Variants in MIER2 observed in about 807,000 individuals in gnomAD.
MIER2 encodes mesoderm induction early response protein 2.
A neutral mutation model predicts 67.6 loss-of-function variants in MIER2; 30 were observed. That is an observed-to-expected ratio of 0.44 (90% CI 0.33 to 0.60). The LOEUF (loss-of-function observed/expected upper bound fraction) is 0.60, where lower values mean the gene tolerates loss of function less well. Among genes scored for constraint, MIER2 ranks in the 20% least tolerant of loss-of-function variants. MIER2 has a pLI of 0.02. For synonymous variants in MIER2, 372 were observed against 312.6 expected (o/e 1.19, Z -2.00); for missense variants, 702 against 745.1 (o/e 0.94, Z 0.67).
intron 7 of MIER2, among the ~76,000 whole-genome samples, chr19:320,576 A>G (rs897367185): frequency 1.1e-4 from 17 of 152,238 alleles, no homozygotes; most frequent in African/African-American, 4.1e-4. Flanking sequence ...TCACTGCCTG[A>G]CTCCGCCTCC....
At chr19:312,295 C>CT in intron 8 of MIER2, 23 bp from the exon 9 acceptor site, 3 of 1,610,412 alleles carry the variant, frequency 1.9e-6, no homozygotes, top group Non-Finnish European at 2.5e-6. Context: ...CATGTTGGCT[C>CT]TTCCATGGGC....
Position 312,349 on chromosome 19 carries a change from G to A in MIER2, c.808-77C>T, listed in dbSNP as rs534118273. On this transcript the variant is annotated intron_variant, in intron 8 of 13. Transcript: ENST00000264819. ...GCAAGAACTGTCTATACCATCCAGC[G>A]AGTGGCATCAGGGGCCGTCCACACC... The A allele has an allele frequency of 4.0e-5, 58 of 1,466,024 alleles. No individual in the cohort carries two copies. In the East Asian group the frequency reaches 7.1e-4, roughly 18 times the overall value. 90.8% of individuals were successfully genotyped at this position (1,466,024 alleles called of 1,614,324 possible).
chr19:322,625 G>A (rs1190113983), intron 7 of MIER2, among the ~76,000 whole-genome samples: 2 of 152,096 alleles, frequency 1.3e-5, no homozygotes, highest in Non-Finnish European at 2.9e-5. Flanking sequence ...CAATGGGACA[G>A]GAGTCCATAT....
chr19:314,383 G>A (rs914192791), intron 7 of MIER2, among the ~76,000 whole-genome samples: 1 of 152,234 alleles, frequency 6.6e-6, no homozygotes, highest in Admixed American at 6.5e-5. Flanking sequence ...CAAGGCAGGG[G>A]AGAGCTCAGG....
chr19:308,673 G>A lies in MIER2; in HGVS notation c.1110-8C>T, dbSNP rs1408844773. 6.2e-7 allele frequency: 1 copy of A among 1,600,726 alleles called. No individual in the cohort carries two copies. ...AGGTCCTGGTCTGCGTCCCTGTGGG[G>A]AGAGGGCGCCATGAGGGGCGGCAGA... On this transcript the variant is annotated splice_polypyrimidine_tract_variant and splice_region_variant and intron_variant, in intron 11 of 13. Coordinates refer to ENST00000264819, the MANE Select transcript of MIER2 (RefSeq NM_017550.3). The surrounding 1 kb of genome is among the most constrained non-coding windows in gnomAD (Gnocchi z 9.1).
intron 5 of MIER2, 147 bp from the exon 6 acceptor site, chr19:326,745 G>T: frequency 1.5e-6 from 1 of 659,644 alleles, no homozygotes; most frequent in Non-Finnish European, 2.6e-6. Context: ...ATGGGCACAG[G>T]ACCCAGGACC....
chr19:314,923 A>G (rs1398427458), intron 7 of MIER2, among the ~76,000 whole-genome samples: 1 of 151,724 alleles, frequency 6.6e-6, no homozygotes, highest in Non-Finnish European at 1.5e-5. Context: ...AAAATTTCAA[A>G]TGTAGTACAG....
At chr19:316,933 T>C (rs1270340196) in intron 7 of MIER2, among the ~76,000 whole-genome samples, 3 of 151,842 alleles carry the variant, frequency 2.0e-5, no homozygotes, top group Non-Finnish European at 4.4e-5. Flanking sequence ...CACACCACTG[T>C]ACTCCAGCCT....
chr19:306,406 G>T lies in MIER2; in HGVS notation c.*284C>A, dbSNP rs1360064509. 2 of 579,100 alleles carry T rather than the reference G, an allele frequency of 3.5e-6. No homozygotes were observed. The highest frequency in any genetic ancestry group is 3.1e-5 in the Admixed American group (1 of 32,746). 35.9% of individuals were successfully genotyped at this position (579,100 alleles called of 1,614,324 possible). On this transcript the variant is annotated 3_prime_UTR_variant, in exon 14 of 14. Transcript: ENST00000264819. ...GCGTCCCAACGGCGGGGTCTCTTCT[G>T]TCCCCGGCTGCCCGACGGATCCCAC...
rs1403697972 is a variant in MIER2 at position 306,459 on chromosome 19, G to A, written c.*231C>T. ...GCAGGCAGCGGCCCGGACCCGGGTG[G>A]CAGTGCCGGGCGCTGACGGCGCTGG... On this transcript the variant is annotated 3_prime_UTR_variant, in exon 14 of 14. Coordinates refer to ENST00000264819, the MANE Select transcript of MIER2 (RefSeq NM_017550.3). The A allele has an allele frequency of 1.6e-6, 1 of 622,936 alleles. No individual in the cohort carries two copies. Among genetic ancestry groups the A allele is most frequent in the East Asian group, 2.8e-5 (1 of 36,060 alleles). The allele number at this position is 622,936 out of a possible 1,614,324, so 38.6% of individuals were successfully genotyped here.
chr19:310,467 A>G (rs1600111697), intron 10 of MIER2, among the ~76,000 whole-genome samples: 1 of 149,520 alleles, frequency 6.7e-6, no homozygotes, highest in Non-Finnish European at 1.5e-5. Flanking sequence ...CGGCTGGGCC[A>G]GGACCTGCCC....
intron 7 of MIER2, among the ~76,000 whole-genome samples, chr19:318,958 G>A (rs1181646016): frequency 6.6e-6 from 1 of 151,210 alleles, no homozygotes; most frequent in Non-Finnish European, 1.5e-5. Context: ...TTGGGAGGCT[G>A]AGACAGGAGA....
chr19:330,568 A>G (rs893440229), intron 3 of MIER2, among the ~76,000 whole-genome samples: 2 of 151,868 alleles, frequency 1.3e-5, no homozygotes, highest in Non-Finnish European at 2.9e-5. Flanking sequence ...AAAAAAAAAA[A>G]AAAAACTTAT....
intron 1 of MIER2, among the ~76,000 whole-genome samples, chr19:337,413 C>T (rs1240288149): frequency 6.6e-6 from 1 of 152,192 alleles, no homozygotes; most frequent in Non-Finnish European, 1.5e-5. Context: ...CAGAAGGGAG[C>T]TTCCTTCTTG....
rs370807398 is a variant in MIER2, at chr19:328,564, A to G, written c.244-575T>C. Among the ~76,000 whole-genome samples the G allele has an allele frequency of 4.6e-5, 7 of 152,248 alleles. No homozygotes were observed. In the East Asian group the frequency reaches 1.3e-3, roughly 29 times the overall value. ...GGAGTTCGAGACCAGCCTGGGCAAC[A>G]TGGCGAAATCCCGTCTCCACTAAAA... On this transcript the variant is annotated intron_variant, in intron 3 of 13. Coordinates refer to ENST00000264819, the MANE Select transcript of MIER2 (RefSeq NM_017550.3).
rs1201141027 is a variant in MIER2 at position 311,951 on chromosome 19, GC to G, written c.890-13del. The G allele has an allele frequency of 8.1e-6, 13 of 1,612,564 alleles. No individual in the cohort carries two copies. Among genetic ancestry groups the G allele is most frequent in the Non-Finnish European group, 1.0e-5 (12 of 1,178,912 alleles). On this transcript the variant is annotated splice_polypyrimidine_tract_variant and intron_variant, in intron 9 of 13. Coordinates refer to ENST00000264819, the MANE Select transcript of MIER2 (RefSeq NM_017550.3). ...AGCACAGAGCCCATCTGCAAACACG[GC>G]CGGGGAGAACGGTCAGTGGTGCCCA...
chr19:309,871 G>GAC (rs61728215), intron 10 of MIER2, among the ~76,000 whole-genome samples: 42,631 of 46,390 alleles, frequency 0.92, 20,930 homozygotes, highest in East Asian at 0.99. Flanking sequence ...GACGAGAAGG[G>GAC]ACACACACGC....
intron 7 of MIER2, among the ~76,000 whole-genome samples, chr19:317,190 C>T (rs889986919): frequency 6.6e-6 from 1 of 152,024 alleles, no homozygotes. Flanking sequence ...GTCAGGAGAT[C>T]GAGACCATCC....
At chr19:327,678 G>A (rs1242080069) in intron 4 of MIER2, among the ~76,000 whole-genome samples, 186 bp downstream of exon 4, 1 of 152,210 alleles carries the variant, frequency 6.6e-6, no homozygotes, top group East Asian at 1.9e-4. Context: ...GTGGCCTGGG[G>A]TTAAGGCTAG....
Sources: gnomAD v4.1 joint callset for allele counts (sites outside exome capture counted in the v4.1 genomes callset) on GRCh38, gnomAD v4.1.1 for gene constraint, Gnocchi (gnomAD v3.1) non-coding constraint, MANE v1.5 for transcripts, NCBI Gene and HGNC (gene_info 2026-07-23, HGNC 2026-07-21) for gene names.